Variants in FBXW7 observed in about 807,000 individuals in gnomAD.
FBXW7 encodes the protein F-box/WD repeat-containing protein 7.
A neutral mutation model predicts 86.3 loss-of-function variants in FBXW7; 11 were observed. That is an observed-to-expected ratio of 0.13 (90% CI 0.08 to 0.21). The LOEUF is 0.21. Ranked by LOEUF, FBXW7 falls within the 10% of genes least tolerant of loss-of-function variation. The pLI, the probability that FBXW7 is intolerant of heterozygous loss-of-function variation, is 1.00. For missense variants in FBXW7, 488 were observed against 847.4 expected (o/e 0.58, Z 5.27); for synonymous variants, 313 against 297.9 (o/e 1.05, Z -0.52).
intron 2 of FBXW7, among the ~76,000 whole-genome samples, chr4:152,503,502 C>T (rs1747139194): frequency 6.6e-6 from 1 of 152,046 alleles, no homozygotes; most frequent in Non-Finnish European, 1.5e-5. Context: ...GATCTCCTGG[C>T]CTCAAGAGAT....
At chr4:152,472,042 A>T (rs948841971) in intron 2 of FBXW7, among the ~76,000 whole-genome samples, 1 of 152,204 alleles carries the variant, frequency 6.6e-6, no homozygotes, top group Non-Finnish European at 1.5e-5. Flanking sequence ...CAACAAAAAA[A>T]ACAAACCGAT....
intron 2 of FBXW7, among the ~76,000 whole-genome samples, chr4:152,509,330 ATTTACCC>A (rs1391279861): frequency 6.6e-6 from 1 of 152,172 alleles, no homozygotes; most frequent in East Asian, 1.9e-4. Context: ...GCATATGAGA[ATTTACCC>A]TTTATACTAT....
intron 2 of FBXW7, among the ~76,000 whole-genome samples, chr4:152,481,942 C>T (rs1337794088): frequency 2.0e-5 from 3 of 152,162 alleles, no homozygotes; most frequent in South Asian, 2.1e-4. Flanking sequence ...ATATTACATA[C>T]TTAGTTGACA....
chr4:152,507,618 A>G (rs897429338), intron 2 of FBXW7, among the ~76,000 whole-genome samples: 21 of 152,236 alleles, frequency 1.4e-4, no homozygotes, highest in Non-Finnish European at 4.4e-5. Flanking sequence ...ATGGTAAGAT[A>G]CAAGTACTGG....
At chr4:152,361,026 T>C (rs983703783) in intron 4 of FBXW7, among the ~76,000 whole-genome samples, 2 of 151,978 alleles carry the variant, frequency 1.3e-5, no homozygotes, top group African/African-American at 4.8e-5. Flanking sequence ...AAACTCTAGT[T>C]ATGAATCAAA....
chr4:152,453,871 C>CTA lies in FBXW7; in HGVS notation c.-119-41344_-119-41343dup, dbSNP rs1429043087. 2.0e-5 allele frequency among the ~76,000 whole-genome samples: 3 copies of CTA among 151,994 alleles called. No individual in the cohort carries two copies. In the East Asian group the frequency reaches 5.8e-4, roughly 29 times the overall value. On this transcript the variant is annotated intron_variant, in intron 2 of 13. Coordinates refer to ENST00000281708, the MANE Select transcript of FBXW7 (RefSeq NM_001349798.2). The stretch of plus-strand genomic sequence containing the variant: ...GTGGAGAAAGGAGTATAATGAACCT[C>CTA]TATATATATACTGTCACCTATATTT...
chr4:152,353,081 AAG>A, intron 4 of FBXW7: 2 of 854,878 alleles, frequency 2.3e-6, no homozygotes, highest in Admixed American at 4.6e-5. Context: ...TGCATTTTTG[AAG>A]AGTTTTAAAT....
intron 8 of FBXW7, among the ~76,000 whole-genome samples, chr4:152,332,093 G>A (rs2126543962): frequency 6.6e-6 from 1 of 151,058 alleles, no homozygotes; most frequent in Middle Eastern, 3.4e-3. Context: ...ATGTCTGCTG[G>A]GAAAAAAAAC....
At chr4:152,411,259 A>T (rs1484240464) in intron 4 of FBXW7, 44 bp downstream of exon 4, 1 of 1,504,324 alleles carries the variant, frequency 6.6e-7, no homozygotes, top group African/African-American at 1.4e-5. Context: ...ATTAAAATAG[A>T]TATGTAAAGT....
intron 2 of FBXW7, among the ~76,000 whole-genome samples, chr4:152,495,797 A>G (rs537829713): frequency 2.1e-4 from 32 of 152,334 alleles, no homozygotes; most frequent in African/African-American, 7.7e-4. Context: ...ATATAAAGAC[A>G]TAGGCTTAGA....
chr4:152,511,298 C>CT (rs1747947253), intron 2 of FBXW7, among the ~76,000 whole-genome samples: 1 of 151,080 alleles, frequency 6.6e-6, no homozygotes, highest in South Asian at 2.1e-4. Context: ...CCCCGCCCCC[C>CT]CCACCGAATC....
intron 2 of FBXW7, among the ~76,000 whole-genome samples, chr4:152,428,153 T>C (rs1255749702): frequency 1.3e-5 from 2 of 152,202 alleles, no homozygotes; most frequent in Non-Finnish European, 1.5e-5. Context: ...GTAACCCTAA[T>C]GACTGCTGGT....
At chr4:152,525,298 G>C (rs1456250029) in intron 2 of FBXW7, among the ~76,000 whole-genome samples, 1 of 152,156 alleles carries the variant, frequency 6.6e-6, no homozygotes, top group African/African-American at 2.4e-5. Context: ...GATAATCAGT[G>C]CTAAAGAATA....
intron 2 of FBXW7, among the ~76,000 whole-genome samples, chr4:152,491,873 T>C (rs777500962): frequency 2.6e-5 from 4 of 152,206 alleles, no homozygotes; most frequent in Non-Finnish European, 5.9e-5. Context: ...ATTATTTCTA[T>C]AATTTTTAGA....
chr4:152,466,164 G>C (rs1335973042), intron 2 of FBXW7, among the ~76,000 whole-genome samples: 1 of 152,134 alleles, frequency 6.6e-6, no homozygotes, highest in Non-Finnish European at 1.5e-5. Context: ...AACTAAACTA[G>C]ACAACATTAT....
At chr4:152,352,423 GCATACA>G in intron 4 of FBXW7, 1 of 1,610,114 alleles carries the variant, frequency 6.2e-7, no homozygotes. Flanking sequence ...TCTCAGGCAG[GCATACA>G]CACACAATCA....
intron 4 of FBXW7, among the ~76,000 whole-genome samples, chr4:152,371,084 C>T (rs2126736370): frequency 6.6e-6 from 1 of 151,964 alleles, no homozygotes; most frequent in East Asian, 1.9e-4. Context: ...AGAATGTCAT[C>T]AACTTTACCA....
Position 152,536,086 on chromosome 4 carries a change from C to T in FBXW7, c.-1172G>A, listed in dbSNP as rs1158528428. The T allele has an allele frequency of 6.2e-6, 1 of 161,702 alleles. No homozygotes were observed. The highest frequency in any genetic ancestry group is 2.4e-5 in the African/African-American group (1 of 41,690). 10.0% of individuals were successfully genotyped at this position (161,702 alleles called of 1,614,324 possible). A position where few individuals can be genotyped will look rare whatever the true frequency, so the allele number is the denominator to read the frequency against. Reference sequence around the variant, plus strand: ...TCTGTGCGGGGCTCTCGCCTCACTCCAGAGAGAGGGGCGGGAGGAGAGCGG... The same window carrying T: ...TCTGTGCGGGGCTCTCGCCTCACTCTAGAGAGAGGGGCGGGAGGAGAGCGG... On this transcript the variant is annotated 5_prime_UTR_variant, in exon 1 of 14. Coordinates refer to ENST00000281708, the MANE Select transcript of FBXW7 (RefSeq NM_001349798.2).
At chr4:152,450,006 T>C (rs546584875) in intron 2 of FBXW7, among the ~76,000 whole-genome samples, 10 of 152,380 alleles carry the variant, frequency 6.6e-5, no homozygotes, top group Admixed American at 1.3e-4. Context: ...ATACGTATTT[T>C]AAAACTTCCC....
Sources: gnomAD v4.1 joint callset for allele counts (sites outside exome capture counted in the v4.1 genomes callset) on GRCh38, gnomAD v4.1.1 for gene constraint, MANE v1.5 for transcripts, NCBI Gene and HGNC (gene_info 2026-07-23, HGNC 2026-07-21) for gene names.